APOBEC3F: variants seen among roughly 807,000 people sequenced by gnomAD.
The protein encoded by APOBEC3F is DNA dC->dU-editing enzyme APOBEC-3F.
In APOBEC3F, 34 loss-of-function variants were observed where a neutral mutation model predicts 45.8. That is an observed-to-expected ratio of 0.74 (90% CI 0.57 to 0.99). The LOEUF is 0.99. Ranked by LOEUF, APOBEC3F falls within the 50% of genes least tolerant of loss-of-function variation. The probability of loss-of-function intolerance (pLI) is 0.00; values close to 1 mark genes in which losing one functional copy is unlikely to be tolerated. For synonymous variants in APOBEC3F, 192 were observed against 174.4 expected, an observed-to-expected ratio of 1.10 and a Z score of -0.80; for missense variants, 459 against 474.1, an observed-to-expected ratio of 0.97 and a Z score of 0.30.
In APOBEC3F at chr22:39,055,621, A is replaced by C. The variant is rs556834284; in HGVS notation, c.*2926A>C. Among the ~76,000 whole-genome samples the C allele has an allele frequency of 6.6e-6, 1 of 152,288 alleles. No individual in the cohort carries two copies. The highest frequency in any genetic ancestry group is 2.1e-4 in the South Asian group (1 of 4,820). On this transcript the variant is annotated 3_prime_UTR_variant, in exon 7 of 7. Coordinates refer to ENST00000308521, the MANE Select transcript of APOBEC3F (RefSeq NM_145298.6). ...TCTCCTATTTCAGAAGGAAGCAAAA[A>C]GTTAGAAAGATGCAGAAGTAAGATC...
In APOBEC3F at chr22:39,055,091, T is replaced by TTTC. The variant is rs1555903171; in HGVS notation, c.*2396_*2397insTTC. ...CTTCCAAATATCTTTTTTTTTTTTTTCAGACAGTTTTGCTCTTGTTTTCTA... is the reference window on the plus strand; with the variant it reads ...CTTCCAAATATCTTTTTTTTTTTTTTTTCCAGACAGTTTTGCTCTTGTTTTCTA... On this transcript the variant is annotated 3_prime_UTR_variant, in exon 7 of 7. Coordinates refer to ENST00000308521, the MANE Select transcript of APOBEC3F (RefSeq NM_145298.6). 1.3e-5 allele frequency among the ~76,000 whole-genome samples: 2 copies of TTTC among 151,576 alleles called. No individual in the cohort carries two copies. The highest frequency in any genetic ancestry group is 6.6e-5 in the Admixed American group (1 of 15,216).
intron 4 of APOBEC3F, among the ~76,000 whole-genome samples, chr22:39,045,976 AC>A (rs1202559177): frequency 3.3e-5 from 5 of 152,162 alleles, no homozygotes; most frequent in Non-Finnish European, 5.9e-5. Flanking sequence ...TCAGGCTTCG[AC>A]TGCCATAGAA....
intron 4 of APOBEC3F, among the ~76,000 whole-genome samples, chr22:39,047,480 C>T (rs1347681837): frequency 6.6e-6 from 1 of 152,174 alleles, no homozygotes; most frequent in Non-Finnish European, 1.5e-5. Flanking sequence ...ACAAGCCTGC[C>T]AGGGAGGGTG....
chr22:39,049,610 A>T (rs1927387286), intron 5 of APOBEC3F, 29 bp downstream of exon 5: 1 of 1,611,916 alleles, frequency 6.2e-7, no homozygotes, highest in Non-Finnish European at 8.5e-7. Context: ...TTACACCCCA[A>T]ATAGGAGCTA....
chr22:39,042,589 G>A (rs1285851360), intron 1 of APOBEC3F, among the ~76,000 whole-genome samples: 1 of 152,134 alleles, frequency 6.6e-6, no homozygotes, highest in East Asian at 1.9e-4. Flanking sequence ...TGGGATTACA[G>A]GCATGAGCCA....
intron 1 of APOBEC3F, among the ~76,000 whole-genome samples, chr22:39,041,381 T>G (rs907276145): frequency 3.3e-5 from 5 of 152,224 alleles, no homozygotes; most frequent in Admixed American, 1.3e-4. Flanking sequence ...ATGGATTTTC[T>G]GTAACATTTA....
At position 39,052,986 on chromosome 22, in the gene APOBEC3F, A is replaced by ATT. The variant is rs201268620; in HGVS notation, c.*292_*293insTT. ...TTTCCCATCTCCCCAGCATAACCTA[A>ATT]TATTTTTTTTTTTTTTTTGAGACGG... On this transcript the variant is annotated 3_prime_UTR_variant, in exon 7 of 7. Transcript: ENST00000308521. The ATT allele has an allele frequency of 1.9e-3, 512 of 265,834 alleles. 2 individuals carry two copies. Among genetic ancestry groups the ATT allele is most frequent in the Middle Eastern group, 4.1e-3 (3 of 734 alleles). The allele number at this position is 265,834 out of a possible 1,614,324, so 16.5% of individuals were successfully genotyped here.
intron 1 of APOBEC3F, among the ~76,000 whole-genome samples, chr22:39,041,440 C>A (rs1445909340): frequency 6.7e-6 from 1 of 150,294 alleles, no homozygotes; most frequent in Non-Finnish European, 1.5e-5. Flanking sequence ...AGGGAATGGT[C>A]TCTGAAGCAC....
chr22:39,046,986 GTC>G (rs1927255299), intron 4 of APOBEC3F, among the ~76,000 whole-genome samples: 1 of 152,100 alleles, frequency 6.6e-6, no homozygotes, highest in Non-Finnish European at 1.5e-5. Context: ...GAGCACCTGG[GTC>G]TTAGACCGGA....
intron 4 of APOBEC3F, among the ~76,000 whole-genome samples, chr22:39,047,027 G>A (rs1927257671): frequency 6.6e-6 from 1 of 152,068 alleles, no homozygotes; most frequent in Admixed American, 6.5e-5. Context: ...GGGTGGCCGG[G>A]GACACCAGCC....
Position 39,055,899 on chromosome 22 carries a change from C to T in APOBEC3F, c.*3204C>T, listed in dbSNP as rs1225436098. ...AAGCCCTTAAAAGGGCCAGGGACTT[C>T]TTCAGGGAGCTCCAATCTTCAGATG... On this transcript the variant is annotated 3_prime_UTR_variant, in exon 7 of 7. Transcript: ENST00000308521. Among the ~76,000 whole-genome samples the T allele has an allele frequency of 6.6e-6, 1 of 152,182 alleles. No homozygotes were observed. Among genetic ancestry groups the T allele is most frequent in the Non-Finnish European group, 1.5e-5 (1 of 68,034 alleles).
rs1196350494 is a variant in APOBEC3F at position 39,051,310 on chromosome 22, G to A, written c.724-764G>A. 3.9e-5 allele frequency among the ~76,000 whole-genome samples: 6 copies of A among 151,906 alleles called. 1 individual carries two copies. Among genetic ancestry groups the A allele is most frequent in the Admixed American group, 1.3e-4 (2 of 15,246 alleles). On this transcript the variant is annotated intron_variant, in intron 5 of 6. Transcript: ENST00000308521. ...TCTCAGCACTTTGGGAGGCCAAGGC[G>A]GGGGATCACGAGGTCAGGAGCTTGA... is the stretch of plus-strand genomic sequence containing the variant.
At position 39,054,481 on chromosome 22, in the gene APOBEC3F, C is replaced by T. The variant is rs1927630123; in HGVS notation, c.*1786C>T. 6.6e-6 allele frequency among the ~76,000 whole-genome samples: 1 copy of T among 152,166 alleles called. No homozygotes were observed. The highest frequency in any genetic ancestry group is 1.5e-5 in the Non-Finnish European group (1 of 68,048). On this transcript the variant is annotated 3_prime_UTR_variant, in exon 7 of 7. Coordinates refer to ENST00000308521, the MANE Select transcript of APOBEC3F (RefSeq NM_145298.6). Reference sequence around the variant, plus strand: ...TCCTGACCTCGTGATCCACCCGTCTCGGCCTCCCAAAGTGCTGGGATTACA... The same window carrying T: ...TCCTGACCTCGTGATCCACCCGTCTTGGCCTCCCAAAGTGCTGGGATTACA...
At chr22:39,041,997 GAC>G (rs1262214831) in intron 1 of APOBEC3F, among the ~76,000 whole-genome samples, 3 of 152,360 alleles carry the variant, frequency 2.0e-5, no homozygotes, top group Non-Finnish European at 4.4e-5. Context: ...CAAGGCTGGT[GAC>G]ACAGAGACTG....
intron 5 of APOBEC3F, among the ~76,000 whole-genome samples, chr22:39,050,743 A>G (rs962886556): frequency 6.6e-6 from 1 of 151,786 alleles, no homozygotes; most frequent in Non-Finnish European, 1.5e-5. Flanking sequence ...AGTGCTCAGT[A>G]GCCCCTTTGG....
At chr22:39,048,535 C>T (rs561358738) in intron 4 of APOBEC3F, among the ~76,000 whole-genome samples, 4 of 152,150 alleles carry the variant, frequency 2.6e-5, no homozygotes, top group South Asian at 4.1e-4. Flanking sequence ...TAGGTCTGGC[C>T]GCGATGGCTC....
chr22:39,055,683 G>T lies in APOBEC3F; in HGVS notation c.*2988G>T, dbSNP rs2146354441. 6.6e-6 allele frequency among the ~76,000 whole-genome samples: 1 copy of T among 152,286 alleles called. No individual in the cohort carries two copies. Among genetic ancestry groups the T allele is most frequent in the Middle Eastern group, 3.4e-3 (1 of 294 alleles). ...TGTTTGGCGCTGCTACCTGGGCCTG[G>T]TAGTTAAAGATCAACTCCTGACCTG... On this transcript the variant is annotated 3_prime_UTR_variant, in exon 7 of 7. Coordinates refer to ENST00000308521, the MANE Select transcript of APOBEC3F (RefSeq NM_145298.6).
intron 4 of APOBEC3F, among the ~76,000 whole-genome samples, chr22:39,047,647 C>A (rs1487656690): frequency 6.6e-6 from 1 of 152,082 alleles, no homozygotes; most frequent in Non-Finnish European, 1.5e-5. Flanking sequence ...GCTGCTCCCA[C>A]TACCAGCCAG....
chr22:39,045,099 C>T lies in APOBEC3F; in HGVS notation c.330C>T (p.His110=). Residue 110 remains histidine (H), a synonymous_variant, in exon 3 of 7, where the codon CAC becomes CAT. Coordinates refer to ENST00000308521, the MANE Select transcript of APOBEC3F (RefSeq NM_145298.6). ...AGCTGGCCGAATTCCTGGCTGAGCA[C>T]CCCAATGTCACCCTGACCATCTCCG... ...VAKLAEFLAE[H]PNVTLTISAA... 6.2e-7 allele frequency: 1 copy of T among 1,613,992 alleles called. No individual in the cohort carries two copies. Among genetic ancestry groups the T allele is most frequent in the African/African-American group, 1.3e-5 (1 of 74,996 alleles).
Sources: gnomAD v4.1 joint callset for allele counts (sites outside exome capture counted in the v4.1 genomes callset) on GRCh38, gnomAD v4.1.1 for gene constraint, MANE v1.5 for transcripts, NCBI Gene and HGNC (gene_info 2026-07-23, HGNC 2026-07-21) for gene names.